BTBD7: variants seen among roughly 807,000 people sequenced by gnomAD.
BTBD7 encodes BTB domain containing 7, also known as BTB/POZ domain-containing protein 7.
BTBD7 carries 38 observed loss-of-function variants against 99.9 expected under a neutral mutation model. The ratio of observed to expected loss-of-function variants is 0.38; its 90% confidence interval spans 0.29 to 0.50. The LOEUF is 0.50. Among genes scored for constraint, BTBD7 ranks in the 20% least tolerant of loss-of-function variants. The pLI, the probability that BTBD7 is intolerant of heterozygous loss-of-function variation, is 0.93. For synonymous variants in BTBD7, 520 were observed against 511.4 expected (o/e 1.02, Z -0.23); for missense variants, 1,170 against 1,394.6 (o/e 0.84, Z 2.57).
intron 6 of BTBD7, 43 bp from the exon 7 acceptor site, chr14:93,253,833 TATA>T (rs1021844223): frequency 9.2e-6 from 9 of 979,574 alleles, no homozygotes; most frequent in Non-Finnish European, 1.3e-5. Context: ...TGTGTAGTAC[TATA>T]ATACTACTAA....
chr14:93,243,794 G>C (rs1468809320), intron 10 of BTBD7, among the ~76,000 whole-genome samples: 1 of 152,136 alleles, frequency 6.6e-6, no homozygotes, highest in Non-Finnish European at 1.5e-5. Flanking sequence ...GCAATGAACA[G>C]ACAAATAAAT....
intron 10 of BTBD7, among the ~76,000 whole-genome samples, chr14:93,243,351 G>A (rs929249270): frequency 3.3e-5 from 5 of 152,046 alleles, no homozygotes; most frequent in Non-Finnish European, 5.9e-5. Flanking sequence ...CCGCCACCAC[G>A]CCCAGCTAAT....
At chr14:93,279,397 G>T (rs956432206) in intron 3 of BTBD7, among the ~76,000 whole-genome samples, 2 of 152,080 alleles carry the variant, frequency 1.3e-5, no homozygotes, top group African/African-American at 4.8e-5. Flanking sequence ...AGGTCTCATT[G>T]TCTGGGAAGT....
chr14:93,250,824 A>G (rs1200861613), intron 8 of BTBD7, among the ~76,000 whole-genome samples: 1 of 152,236 alleles, frequency 6.6e-6, no homozygotes, highest in Non-Finnish European at 1.5e-5. Flanking sequence ...CACAGAGCAG[A>G]GCTTGGGAAA....
chr14:93,321,124 A>C (rs555060610), intron 1 of BTBD7, among the ~76,000 whole-genome samples: 1 of 152,336 alleles, frequency 6.6e-6, no homozygotes, highest in East Asian at 1.9e-4. Context: ...GTAGGCATGA[A>C]AACATTACTG....
intron 1 of BTBD7, among the ~76,000 whole-genome samples, chr14:93,330,493 C>T (rs1028117114): frequency 2.0e-5 from 3 of 152,170 alleles, no homozygotes; most frequent in African/African-American, 7.2e-5. Context: ...TCTCTCTCTA[C>T]CCTGTATACC....
At chr14:93,270,614 G>T (rs1188047759) in intron 3 of BTBD7, among the ~76,000 whole-genome samples, 4 of 151,216 alleles carry the variant, frequency 2.6e-5, no homozygotes, top group Non-Finnish European at 5.9e-5. Flanking sequence ...ATAATCACTT[G>T]AATCCAGGAG....
chr14:93,269,650 A>G (rs1284934961), intron 3 of BTBD7, among the ~76,000 whole-genome samples: 2 of 152,168 alleles, frequency 1.3e-5, no homozygotes, highest in Non-Finnish European at 2.9e-5. Flanking sequence ...CGTGTCCTGG[A>G]CCAATACTTT....
At chr14:93,295,286 AT>A (rs896816068) in intron 2 of BTBD7, among the ~76,000 whole-genome samples, 12 of 151,436 alleles carry the variant, frequency 7.9e-5, no homozygotes, top group African/African-American at 2.7e-4. Context: ...AATTAAAAAA[AT>A]TTTTTTTTCT....
chr14:93,246,418 T>G, intron 9 of BTBD7, 132 bp from the exon 10 acceptor site: 2 of 1,070,680 alleles, frequency 1.9e-6, no homozygotes, highest in South Asian at 2.1e-5. Context: ...CATAATATAT[T>G]TTTCTAGGCC....
intron 9 of BTBD7, 56 bp from the exon 10 acceptor site, chr14:93,246,342 G>A: frequency 1.4e-6 from 2 of 1,447,818 alleles, no homozygotes; most frequent in Non-Finnish European, 9.1e-7. Context: ...TTCATAAGTG[G>A]AAATTTATAG....
rs139402968 is a variant in BTBD7, at chr14:93,288,902, C to G, written c.1162+4956G>C. ...GGGGTTAAGGAAGTAGGTGATTTCA[C>G]CATAGGGTTTCACATAATTATAGAT... On this transcript the variant is annotated intron_variant, in intron 3 of 10. Coordinates refer to ENST00000334746, the MANE Select transcript of BTBD7 (RefSeq NM_001002860.4). Among the ~76,000 whole-genome samples the G allele has an allele frequency of 2.0e-4, 31 of 152,284 alleles. No homozygotes were observed. The East Asian group carries it at 5.8e-3, about 28-fold the overall frequency.
In BTBD7 at chr14:93,251,485, TGAA is replaced by T. The variant is rs2052366700; in HGVS notation, c.1917_1919del (p.Ser640del). 6.2e-7 allele frequency: 1 copy of T among 1,602,258 alleles called. No individual in the cohort carries two copies. Among genetic ancestry groups the T allele is most frequent in the Non-Finnish European group, 8.5e-7 (1 of 1,171,668 alleles). On this transcript the variant is annotated inframe_deletion, in exon 8 of 11. Transcript: ENST00000334746. ...TACCTGGAATTTCGTTGGCTACAAC[TGAA>T]GGAGGGCTTGACTGGTTGCTGCTGA... is the stretch of plus-strand genomic sequence containing the variant.
chr14:93,267,956 T>G (rs2052559505), intron 3 of BTBD7, among the ~76,000 whole-genome samples: 1 of 152,216 alleles, frequency 6.6e-6, no homozygotes, highest in Non-Finnish European at 1.5e-5. Flanking sequence ...ATATATGGCC[T>G]CTTTAACGAA....
At chr14:93,254,964 T>C (rs1471352719) in intron 6 of BTBD7, among the ~76,000 whole-genome samples, 1 of 152,190 alleles carries the variant, frequency 6.6e-6, no homozygotes, top group Non-Finnish European at 1.5e-5. Flanking sequence ...GTCCCAGGTT[T>C]TAAACAAAAC....
At chr14:93,308,608 T>G (rs1302920579) in intron 1 of BTBD7, among the ~76,000 whole-genome samples, 1 of 152,104 alleles carries the variant, frequency 6.6e-6, no homozygotes, top group Admixed American at 6.5e-5. Context: ...AACTCAGGTG[T>G]CCACAGATAG....
intron 3 of BTBD7, among the ~76,000 whole-genome samples, chr14:93,291,943 T>C (rs1278036262): frequency 6.6e-6 from 1 of 152,178 alleles, no homozygotes; most frequent in Non-Finnish European, 1.5e-5. Flanking sequence ...TCCCAGCACC[T>C]TGGGAGGCCG....
At chr14:93,288,592 A>T in intron 3 of BTBD7, 1 of 921,148 alleles carries the variant, frequency 1.1e-6, no homozygotes. Flanking sequence ...CTCAATTTGG[A>T]AGCTTTCCTC....
intron 1 of BTBD7, among the ~76,000 whole-genome samples, chr14:93,297,683 G>C (rs1423900751): frequency 6.6e-6 from 1 of 152,172 alleles, no homozygotes; most frequent in Non-Finnish European, 1.5e-5. Flanking sequence ...GAATCTTCAA[G>C]ATCTTATCAG....
Sources: allele counts gnomAD v4.1 joint callset (sites outside exome capture counted in the v4.1 genomes callset), GRCh38; gene constraint gnomAD v4.1.1; transcripts MANE v1.5; gene names NCBI Gene and HGNC (gene_info 2026-07-23, HGNC 2026-07-21).